PRKCQ: variants seen among roughly 807,000 people sequenced by gnomAD.
PRKCQ encodes the protein protein kinase C theta type.
A neutral mutation model predicts 91.2 loss-of-function variants in PRKCQ; 41 were observed. The observed-to-expected ratio is 0.45, with a 90% CI of 0.35 to 0.58. The LOEUF (loss-of-function observed/expected upper bound fraction) is 0.58, where lower values mean the gene tolerates loss of function less well. Ranked by LOEUF, PRKCQ falls within the 20% of genes least tolerant of loss-of-function variation. The pLI is 0.00. For missense variants in PRKCQ, 673 were observed against 896.5 expected (o/e 0.75, Z 3.18); for synonymous variants, 307 against 316.9 (o/e 0.97, Z 0.33).
chr10:6,523,579 C>T lies in PRKCQ; in HGVS notation c.-9-8435G>A, dbSNP rs569058685. Among the ~76,000 whole-genome samples the T allele has an allele frequency of 9.8e-5, 15 of 152,310 alleles. No homozygotes were observed. The East Asian group carries it at 1.5e-3, about 16-fold the overall frequency. ...TCAGAACTAGAGATGAAGGAGGCTT[C>T]GTGGACAGACCAAGTGTTGCCCTCC... On this transcript the variant is annotated intron_variant, in intron 1 of 17. Coordinates refer to ENST00000263125, the MANE Select transcript of PRKCQ (RefSeq NM_006257.5).
At chr10:6,559,964 A>G (rs1588424709) in intron 1 of PRKCQ, among the ~76,000 whole-genome samples, 1 of 152,086 alleles carries the variant, frequency 6.6e-6, no homozygotes, top group African/African-American at 2.4e-5. Context: ...TTTGTGTGTT[A>G]TTTACTTAGC....
chr10:6,546,792 G>A (rs1839968443), intron 1 of PRKCQ, among the ~76,000 whole-genome samples: 1 of 152,120 alleles, frequency 6.6e-6, no homozygotes, highest in African/African-American at 2.4e-5. Context: ...GTGAGAGAGG[G>A]CATCCCTGTC....
chr10:6,419,130 G>A, the PRKCQ span, among the ~76,000 whole-genome samples: 2 of 151,428 alleles, frequency 1.3e-5, no homozygotes, highest in African/African-American at 2.4e-5. Context: ...CCACCCATTC[G>A]TCCATTTATC....
At chr10:6,492,756 G>A (rs1837391311) in intron 7 of PRKCQ, among the ~76,000 whole-genome samples, 1 of 152,134 alleles carries the variant, frequency 6.6e-6, no homozygotes, top group Non-Finnish European at 1.5e-5. Context: ...TGGATTCCTG[G>A]TAAGAATGTG....
chr10:6,549,791 C>T (rs940536870), intron 1 of PRKCQ, among the ~76,000 whole-genome samples: 4 of 151,754 alleles, frequency 2.6e-5, no homozygotes, highest in Admixed American at 6.6e-5. Context: ...CCACCATGCC[C>T]GGCTAATTTT....
At chr10:6,487,127 G>A (rs1489880572) in intron 8 of PRKCQ, among the ~76,000 whole-genome samples, 3 of 152,134 alleles carry the variant, frequency 2.0e-5, no homozygotes, top group Non-Finnish European at 2.9e-5. Context: ...CTGTACCCAT[G>A]CCTCCTGAAA....
chr10:6,412,257 C>G, the PRKCQ span, among the ~76,000 whole-genome samples: 3 of 150,142 alleles, frequency 2.0e-5, no homozygotes, highest in South Asian at 4.1e-4. Context: ...TAAGAAGACT[C>G]TAAAGTCATA....
At chr10:6,440,378 C>G (rs1039476244) in intron 16 of PRKCQ, among the ~76,000 whole-genome samples, 1 of 152,204 alleles carries the variant, frequency 6.6e-6, no homozygotes, top group Non-Finnish European at 1.5e-5. Context: ...GGGTTTCAGC[C>G]AAACACATCT....
intron 7 of PRKCQ, among the ~76,000 whole-genome samples, chr10:6,494,925 C>A (rs957530331): frequency 1.3e-5 from 2 of 152,144 alleles, no homozygotes; most frequent in African/African-American, 2.4e-5. Context: ...TGGAAAAATT[C>A]ATCTCTCCTT....
At chr10:6,407,674 T>C in the PRKCQ span, among the ~76,000 whole-genome samples, 1 of 151,666 alleles carries the variant, frequency 6.6e-6, no homozygotes, top group Non-Finnish European at 1.5e-5. The surrounding 1 kb of genome is among the most constrained non-coding windows in gnomAD (Gnocchi z 4.0). Context: ...GTGTGTGGTA[T>C]GTGCATGTGA....
rs372716758 is a variant in PRKCQ at position 6,486,987 on chromosome 10, C to T, written c.791-843G>A. 7.2e-5 allele frequency among the ~76,000 whole-genome samples: 11 copies of T among 152,038 alleles called. No homozygotes were observed. The South Asian group carries it at 2.1e-3, about 29-fold the overall frequency. Reference sequence around the variant, plus strand: ...ACTGGACCAGGCATGAGGACCTCAGCTTTGAAAAAAAAATCACAAACTCTA... The same window carrying T: ...ACTGGACCAGGCATGAGGACCTCAGTTTTGAAAAAAAAATCACAAACTCTA... On this transcript the variant is annotated intron_variant, in intron 8 of 17. Coordinates refer to ENST00000263125, the MANE Select transcript of PRKCQ (RefSeq NM_006257.5).
At chr10:6,570,179 G>T (rs1181577718) in intron 1 of PRKCQ, among the ~76,000 whole-genome samples, 1 of 152,126 alleles carries the variant, frequency 6.6e-6, no homozygotes, top group Non-Finnish European at 1.5e-5. Flanking sequence ...AACTCCACGG[G>T]AATCGGCCAT....
At chr10:6,491,629 C>T (rs1226732305) in intron 8 of PRKCQ, 54 bp downstream of exon 8, 1 of 1,601,908 alleles carries the variant, frequency 6.2e-7, no homozygotes, top group Non-Finnish European at 8.5e-7. Flanking sequence ...GAAAGCCTTG[C>T]TCCATCCCCT....
chr10:6,415,432 A>ACAC, the PRKCQ span, among the ~76,000 whole-genome samples: 1 of 72,526 alleles, frequency 1.4e-5, no homozygotes, highest in African/African-American at 4.7e-5. Flanking sequence ...ATATATATAT[A>ACAC]TATATATATA....
intron 10 of PRKCQ, among the ~76,000 whole-genome samples, chr10:6,483,971 G>C (rs1367137983): frequency 6.6e-6 from 1 of 151,992 alleles, no homozygotes; most frequent in Non-Finnish European, 1.5e-5. Flanking sequence ...CAAATTTTAG[G>C]AAAAAAATGA....
intron 11 of PRKCQ, among the ~76,000 whole-genome samples, chr10:6,482,205 AGTGACT>A (rs1836640620): frequency 6.6e-6 from 1 of 152,194 alleles, no homozygotes; most frequent in South Asian, 2.1e-4. Flanking sequence ...GACCTTGGAA[AGTGACT>A]GTATTTGGAG....
the PRKCQ span, among the ~76,000 whole-genome samples, chr10:6,394,649 C>T: frequency 6.9e-5 from 10 of 145,202 alleles, no homozygotes; most frequent in East Asian, 1.9e-4. Flanking sequence ...GTGCAGTCCA[C>T]GGTGGGTCAG....
intron 1 of PRKCQ, among the ~76,000 whole-genome samples, chr10:6,521,815 T>C (rs547713614): frequency 3.0e-4 from 46 of 152,328 alleles, no homozygotes; most frequent in African/African-American, 1.1e-3. Context: ...ATTATCATGA[T>C]GGATATCAGG....
At chr10:6,553,607 C>A (rs1310165404) in intron 1 of PRKCQ, among the ~76,000 whole-genome samples, 1 of 150,832 alleles carries the variant, frequency 6.6e-6, no homozygotes, top group Non-Finnish European at 1.5e-5. Context: ...TTTCCTTCTT[C>A]TTCCTTCCTC....
Sources: allele counts gnomAD v4.1 joint callset (sites outside exome capture counted in the v4.1 genomes callset), GRCh38; gene constraint gnomAD v4.1.1; non-coding constraint Gnocchi (gnomAD v3.1); transcripts MANE v1.5; gene names NCBI Gene and HGNC (gene_info 2026-07-23, HGNC 2026-07-21).